The following IL16 variants were observed in gnomAD, a reference collection of about 807,000 sequenced individuals.
IL16 encodes interleukin 16, also known as pro-interleukin-16.
Under a neutral mutation model 110.1 loss-of-function variants are expected in IL16, and 67 were observed. That is an observed-to-expected ratio of 0.61 (90% CI 0.50 to 0.75). IL16 has a LOEUF of 0.75. Among genes scored for constraint, IL16 ranks in the 30% least tolerant of loss-of-function variants. IL16 has a pLI of 0.00. For synonymous variants in IL16, 689 were observed against 662.9 expected, an observed-to-expected ratio of 1.04 and a Z score of -0.61; for missense variants, 1,545 against 1,655.0, an observed-to-expected ratio of 0.93 and a Z score of 1.15.
Position 81,311,560 on chromosome 15 carries a change from T to C in IL16, c.*2762T>C, listed in dbSNP as rs1042093477. The C allele has an allele frequency of 2.6e-5, 4 of 152,356 alleles. No individual in the cohort carries two copies. The highest frequency in any genetic ancestry group is 2.1e-4 in the South Asian group (1 of 4,828). The allele number at this position is 152,356 out of a possible 1,614,324, so 9.4% of individuals were successfully genotyped here. On this transcript the variant is annotated 3_prime_UTR_variant, in exon 19 of 19. Coordinates refer to ENST00000683961, the MANE Select transcript of IL16 (RefSeq NM_172217.5). ...TGTCCCATAGGCCCAGTGAGATGCA[T>C]TCTTGGTTGGCTGGCCTTCCACTTG...
At chr15:81,247,498 C>T (rs1359541985) in intron 2 of IL16, among the ~76,000 whole-genome samples, 1 of 152,130 alleles carries the variant, frequency 6.6e-6, no homozygotes, top group Non-Finnish European at 1.5e-5. Flanking sequence ...AAAATCAAAA[C>T]CTTTTTCTTT....
chr15:81,248,667 C>T (rs1290281707), intron 2 of IL16, among the ~76,000 whole-genome samples: 1 of 149,358 alleles, frequency 6.7e-6, no homozygotes, highest in Non-Finnish European at 1.5e-5. Context: ...CCTTTCTCCT[C>T]CTCTATTGAT....
chr15:81,292,234 G>T, intron 11 of IL16: 1 of 401,794 alleles, frequency 2.5e-6, no homozygotes, highest in Non-Finnish European at 4.8e-6. Flanking sequence ...CCCCTGGAGG[G>T]ACCCACAGCT....
chr15:81,297,044 A>G lies in IL16; in HGVS notation c.2019A>G (p.Thr673=), dbSNP rs940982085. ...PGIGPQTKSS[T]EGEPGWRRAS... ...TCGGCCCACAGACCAAGTCCTCCAC[A>G]GAGGGCGAGCCAGGGTGGAGAAGAG... is the stretch of plus-strand genomic sequence containing the variant. The change falls in exon 13 of 19, where the codon ACA becomes ACG. Residue 673 remains threonine, a synonymous_variant. Transcript: ENST00000683961. The G allele has an allele frequency of 1.2e-6, 2 of 1,613,776 alleles. No individual in the cohort carries two copies. The highest frequency in any genetic ancestry group is 2.7e-5 in the African/African-American group (2 of 74,906).
rs1409199872 is a variant in IL16, at chr15:81,313,098, C to T, written c.*4300C>T. 5 of 844,274 alleles carry T rather than the reference C, an allele frequency of 5.9e-6. No homozygotes were observed. The East Asian group carries it at 1.7e-4, about 29-fold the overall frequency. The allele number at this position is 844,274 out of a possible 1,614,324, so 52.3% of individuals were successfully genotyped here. Reference sequence around the variant, plus strand: ...TGGGGCAGGAGGCAGGAAGGGTGGGCTGCCGCCTCTGGTTGGCATTCTCAG... The same window carrying T: ...TGGGGCAGGAGGCAGGAAGGGTGGGTTGCCGCCTCTGGTTGGCATTCTCAG... On this transcript the variant is annotated 3_prime_UTR_variant, in exon 19 of 19. Coordinates refer to ENST00000683961, the MANE Select transcript of IL16 (RefSeq NM_172217.5).
At chr15:81,195,965 A>G (rs1481293076), upstream of IL16, among the ~76,000 whole-genome samples, 1 of 151,612 alleles carries the variant, frequency 6.6e-6, no homozygotes, top group Non-Finnish European at 1.5e-5. Context: ...GCAGTTTTCA[A>G]CATGCTCTGT....
chr15:81,183,043 G>A, intron 1 of IL16: 3 of 425,904 alleles, frequency 7.0e-6, no homozygotes, highest in South Asian at 5.3e-5. Context: ...GTGCACACGT[G>A]TGAGTGTGTG....
chr15:81,231,389 T>TCCC (rs1896982028), intron 2 of IL16, among the ~76,000 whole-genome samples: 1 of 144,534 alleles, frequency 6.9e-6, no homozygotes, highest in Non-Finnish European at 1.5e-5. Flanking sequence ...TCTCCCTCTC[T>TCCC]TAAGACAGGG....
At chr15:81,208,583 G>A (rs938643480) in intron 1 of IL16, among the ~76,000 whole-genome samples, 1 of 152,170 alleles carries the variant, frequency 6.6e-6, no homozygotes, top group African/African-American at 2.4e-5. Context: ...GCCCACCTTG[G>A]CCTCCCAAAG....
chr15:81,190,059 C>T (rs1895475606), intron 1 of IL16, among the ~76,000 whole-genome samples: 2 of 152,192 alleles, frequency 1.3e-5, no homozygotes, highest in Non-Finnish European at 2.9e-5. Flanking sequence ...GGGCCCCTGG[C>T]CAGGGCATCT....
chr15:81,311,129 A>C lies in IL16; in HGVS notation c.*2331A>C, dbSNP rs1274154097. ...ATGCTGGGATTTACACTTGAGGCTT[A>C]GCTTTGCTCTGCCAACTTCTTCAGA... On this transcript the variant is annotated 3_prime_UTR_variant, in exon 19 of 19. Transcript: ENST00000683961. The C allele has an allele frequency of 1.3e-5, 2 of 152,256 alleles. No individual in the cohort carries two copies. The highest frequency in any genetic ancestry group is 4.8e-5 in the African/African-American group (2 of 41,468). 9.4% of individuals were successfully genotyped at this position (152,256 alleles called of 1,614,324 possible).
At chr15:81,270,816 C>T (rs369812063) in intron 5 of IL16, among the ~76,000 whole-genome samples, 4 of 152,028 alleles carry the variant, frequency 2.6e-5, no homozygotes, top group East Asian at 1.9e-4. Flanking sequence ...TTTATGAGGC[C>T]GGGGGGTGGA....
At chr15:81,230,133 C>T (rs1595971565) in intron 2 of IL16, among the ~76,000 whole-genome samples, 1 of 152,124 alleles carries the variant, frequency 6.6e-6, no homozygotes, top group African/African-American at 2.4e-5. Context: ...GCTGTTTGTT[C>T]TGGGGGAGCT....
At chr15:81,189,406 G>A (rs1895465636) in intron 1 of IL16, among the ~76,000 whole-genome samples, 2 of 152,096 alleles carry the variant, frequency 1.3e-5, no homozygotes, top group South Asian at 4.1e-4. Context: ...TTACAAGCAT[G>A]AGCCACTGCA....
At chr15:81,224,699 A>G (rs1430479506) in intron 1 of IL16, among the ~76,000 whole-genome samples, 6 of 152,158 alleles carry the variant, frequency 3.9e-5, no homozygotes, top group Non-Finnish European at 1.5e-5. Flanking sequence ...AAGACTTCCA[A>G]CCTTCCTAGC....
intron 2 of IL16, among the ~76,000 whole-genome samples, chr15:81,259,093 A>G (rs957716079): frequency 6.6e-6 from 1 of 152,240 alleles, no homozygotes. Context: ...AGCAAGTTTA[A>G]CAATATTGAT....
intron 1 of IL16, among the ~76,000 whole-genome samples, chr15:81,210,989 G>T (rs922836875): frequency 6.6e-6 from 1 of 152,064 alleles, no homozygotes; most frequent in Non-Finnish European, 1.5e-5. Flanking sequence ...TTTCATAGAT[G>T]GCTCTTATTA....
intron 12 of IL16, 22 bp downstream of exon 12, chr15:81,293,059 T>TGGG: frequency 6.3e-7 from 1 of 1,580,340 alleles, no homozygotes; most frequent in Non-Finnish European, 8.6e-7. Context: ...GGTCCACAGG[T>TGGG]TGAGTGTTTC....
chr15:81,264,586 AT>A (rs1463270526), intron 3 of IL16, among the ~76,000 whole-genome samples: 1 of 151,990 alleles, frequency 6.6e-6, no homozygotes, highest in East Asian at 1.9e-4. Context: ...CTCTAGGGGA[AT>A]TTTTCACAAA....
Sources: allele counts gnomAD v4.1 joint callset (sites outside exome capture counted in the v4.1 genomes callset), GRCh38; gene constraint gnomAD v4.1.1; transcripts MANE v1.5; gene names NCBI Gene and HGNC (gene_info 2026-07-23, HGNC 2026-07-21).